SGCD: variants seen among roughly 807,000 people sequenced by gnomAD.
The protein encoded by SGCD is sarcoglycan delta, also known as delta-sarcoglycan.
Under a neutral mutation model 36.6 loss-of-function variants are expected in SGCD, and 18 were observed. The ratio of observed to expected loss-of-function variants is 0.49; its 90% CI spans 0.34 to 0.73. The LOEUF is 0.73. SGCD is among the 30% of genes least tolerant of loss of function. SGCD has a pLI of 0.01. For missense variants in SGCD, 387 were observed against 346.7 expected (o/e 1.12, Z -0.92); for synonymous variants, 133 against 130.6 (o/e 1.02, Z -0.12).
chr5:155,758,840 C>T, the SGCD span, among the ~76,000 whole-genome samples: 1 of 152,262 alleles, frequency 6.6e-6, no homozygotes, highest in East Asian at 1.9e-4. Context: ...GACTGTGGCT[C>T]TTTTTCTTTC....
At chr5:155,739,905 T>C in the SGCD span, among the ~76,000 whole-genome samples, 2 of 152,126 alleles carry the variant, frequency 1.3e-5, no homozygotes, top group South Asian at 4.1e-4. Flanking sequence ...ACCATTTATT[T>C]TGATGGAAGT....
chr5:156,501,115 C>T (rs1048495810), intron 3 of SGCD, among the ~76,000 whole-genome samples: 11 of 152,168 alleles, frequency 7.2e-5, no homozygotes, highest in African/African-American at 2.2e-4. Flanking sequence ...AACCCCTCCT[C>T]GGGACACTGG....
At chr5:156,673,132 G>C (rs1483872796) in intron 7 of SGCD, among the ~76,000 whole-genome samples, 1 of 152,114 alleles carries the variant, frequency 6.6e-6, no homozygotes, top group Non-Finnish European at 1.5e-5. Flanking sequence ...CCCCTCAAAA[G>C]TGTGTGTTCA....
intron 3 of SGCD, among the ~76,000 whole-genome samples, chr5:156,243,729 A>G (rs897247823): frequency 6.6e-6 from 1 of 152,190 alleles, no homozygotes; most frequent in African/African-American, 2.4e-5. Context: ...TAGAACAAGG[A>G]AAATATAAAA....
intron 1 of SGCD, among the ~76,000 whole-genome samples, chr5:156,083,603 T>C (rs1438398097): frequency 1.3e-5 from 2 of 151,866 alleles, no homozygotes; most frequent in African/African-American, 4.8e-5. Context: ...CCCATTTTTT[T>C]TTTTTTTTCC....
At chr5:156,685,162 A>G (rs1257961711) in intron 7 of SGCD, among the ~76,000 whole-genome samples, 1 of 152,156 alleles carries the variant, frequency 6.6e-6, no homozygotes, top group Non-Finnish European at 1.5e-5. Context: ...CTGAAAGGAA[A>G]TGGGTGGTAG....
chr5:155,852,148 A>G, the SGCD span, among the ~76,000 whole-genome samples: 1 of 152,204 alleles, frequency 6.6e-6, no homozygotes, highest in African/African-American at 2.4e-5. Flanking sequence ...TGATATAAAA[A>G]AAGTTTTCTT....
intron 3 of SGCD, among the ~76,000 whole-genome samples, chr5:156,409,411 G>A (rs147766941): frequency 0.011 from 1,646 of 152,246 alleles, 97 homozygotes; most frequent in Admixed American, 0.1. Flanking sequence ...TAAAGATAAC[G>A]CAGTTCTTCA....
chr5:156,427,709 C>A lies in SGCD; in HGVS notation c.193-80892C>A, dbSNP rs142855773. Among the ~76,000 whole-genome samples, 755 of 152,066 alleles carry A rather than the reference C, an allele frequency of 5.0e-3. 4 individuals are homozygous for A. The highest frequency in any genetic ancestry group is 8.8e-3 in the Admixed American group (134 of 15,258). ...GGCTTTTATTACTTTGAGGTATGTCCCTTCTATGCCAATTTTGTTGAGAGG... is the reference window on the plus strand; with the variant it reads ...GGCTTTTATTACTTTGAGGTATGTCACTTCTATGCCAATTTTGTTGAGAGG... On this transcript the variant is annotated intron_variant, in intron 3 of 8. Coordinates refer to ENST00000337851, the MANE Select transcript of SGCD (RefSeq NM_000337.6).
At chr5:155,743,357 A>C in the SGCD span, among the ~76,000 whole-genome samples, 1 of 152,196 alleles carries the variant, frequency 6.6e-6, no homozygotes, top group Non-Finnish European at 1.5e-5. Context: ...TCAAAGACCA[A>C]TATTACAACA....
chr5:156,380,219 C>G (rs1770904502), intron 3 of SGCD, among the ~76,000 whole-genome samples: 1 of 152,144 alleles, frequency 6.6e-6, no homozygotes, highest in South Asian at 2.1e-4. Flanking sequence ...CTCTGGGTCT[C>G]AGAGAATTGC....
chr5:156,637,611 C>T (rs1314907793), intron 6 of SGCD, among the ~76,000 whole-genome samples: 1 of 152,136 alleles, frequency 6.6e-6, no homozygotes, highest in African/African-American at 2.4e-5. Context: ...CATATGTCCA[C>T]CCCTAGCTTC....
At chr5:156,517,260 A>G (rs1050895321) in intron 4 of SGCD, among the ~76,000 whole-genome samples, 4 of 152,324 alleles carry the variant, frequency 2.6e-5, no homozygotes, top group African/African-American at 9.6e-5. Flanking sequence ...AGACTATCTT[A>G]CTGAAATAAG....
intron 3 of SGCD, among the ~76,000 whole-genome samples, chr5:156,496,553 G>C (rs537460445): frequency 6.6e-6 from 1 of 152,250 alleles, no homozygotes; most frequent in Non-Finnish European, 1.5e-5. Flanking sequence ...TGTACTATCT[G>C]TCTTCTCTGA....
At chr5:155,979,653 T>G (rs1252028721) in intron 1 of SGCD, among the ~76,000 whole-genome samples, 1 of 152,206 alleles carries the variant, frequency 6.6e-6, no homozygotes, top group Non-Finnish European at 1.5e-5. Flanking sequence ...AAATGGCTTT[T>G]GAACTGCTGC....
chr5:155,963,558 A>T lies in SGCD; in HGVS notation c.-282+93134A>T, dbSNP rs915091375. Among the ~76,000 whole-genome samples the T allele has an allele frequency of 2.0e-5, 3 of 152,200 alleles. No individual in the cohort carries two copies. The East Asian group carries it at 5.8e-4, about 30-fold the overall frequency. On this transcript the variant is annotated intron_variant, in intron 1 of 9. Coordinates refer to the SGCD transcript ENST00000517913. ...ATCACTTCATACTAGGTATTGTCCT[A>T]ATTTTATTCCACGTATTGCCTTATT... is the stretch of plus-strand genomic sequence containing the variant.
At chr5:156,332,391 G>A (rs1490009409) in intron 2 of SGCD, among the ~76,000 whole-genome samples, 3 of 152,328 alleles carry the variant, frequency 2.0e-5, no homozygotes, top group Non-Finnish European at 4.4e-5. Context: ...ACAGTGGCTG[G>A]TGGCCTGTGG....
At chr5:155,853,957 A>G in the SGCD span, among the ~76,000 whole-genome samples, 1 of 152,206 alleles carries the variant, frequency 6.6e-6, no homozygotes. Flanking sequence ...GCAAATTTAT[A>G]GTAGGGATGG....
At position 155,943,273 on chromosome 5, in the gene SGCD, C is replaced by A. The variant is rs2113414772; in HGVS notation, c.-282+72849C>A. Among the ~76,000 whole-genome samples, 4 of 152,278 alleles carry A rather than the reference C, an allele frequency of 2.6e-5. No homozygotes were observed. The East Asian group carries it at 5.8e-4, about 22-fold the overall frequency. ...TTGACAAAAGTGTTTGACACATAGT[C>A]CCCAATAACATTTTTGTTACAATCA... is the stretch of plus-strand genomic sequence containing the variant. On this transcript the variant is annotated intron_variant, in intron 1 of 9. Coordinates refer to the SGCD transcript ENST00000517913.
Sources: gnomAD v4.1 joint callset for allele counts (sites outside exome capture counted in the v4.1 genomes callset) on GRCh38, gnomAD v4.1.1 for gene constraint, MANE v1.5 for transcripts, NCBI Gene and HGNC (gene_info 2026-07-23, HGNC 2026-07-21) for gene names.